Variants in KCNQ2 observed in about 807,000 individuals in gnomAD.
KCNQ2 encodes potassium voltage-gated channel subfamily Q member 2, also known as potassium voltage-gated channel subfamily KQT member 2.
A neutral mutation model predicts 84.8 loss-of-function variants in KCNQ2; 14 were observed. That is an observed-to-expected ratio of 0.17 (90% CI 0.11 to 0.26). The LOEUF (loss-of-function observed/expected upper bound fraction) is 0.26, where lower values mean the gene tolerates loss of function less well. Among genes scored for constraint, KCNQ2 ranks in the 10% least tolerant of loss-of-function variants. KCNQ2 has a pLI of 1.00. For synonymous variants in KCNQ2, 599 were observed against 554.1 expected (o/e 1.08, Z -1.14); for missense variants, 788 against 1,254.0 (o/e 0.63, Z 5.61).
At chr20:63,411,002 T>G (rs1321173628) in intron 15 of KCNQ2, 5 of 456,260 alleles carry the variant, frequency 1.1e-5, no homozygotes, top group Admixed American at 2.4e-5. Context: ...AAGTCTGAGT[T>G]AATCACTAAA....
chr20:63,449,606 G>A (rs557090749), intron 1 of KCNQ2, among the ~76,000 whole-genome samples: 4 of 152,060 alleles, frequency 2.6e-5, no homozygotes, highest in South Asian at 2.2e-4. Context: ...CTCTGCTCAC[G>A]GCTTCACTGT....
In KCNQ2 at chr20:63,406,891, G is replaced by A. The variant is rs1194376934; in HGVS notation, c.2372C>T (p.Pro791Leu). The change falls in exon 17 of 17, where the codon CCG becomes CTG. Residue 791 changes from proline (P) to leucine (L), a missense_variant. By Grantham distance (98) the Pro-to-Leu change is moderately conservative. This residue lies in a region of KCNQ2 where 378 missense variants were observed against 434.5 expected (regional missense o/e 0.87). Transcript: ENST00000359125. ...LRDSDTSISI[P>L]SVDHEELERS... ...CTCCAGCTCCTCGTGGTCCACGGACGGGATGGAGATGGACGTGTCGCTGTC... is the reference window on the plus strand; with the variant it reads ...CTCCAGCTCCTCGTGGTCCACGGACAGGATGGAGATGGACGTGTCGCTGTC... 6 of 1,611,704 alleles carry A rather than the reference G, an allele frequency of 3.7e-6. No homozygotes were observed. Among genetic ancestry groups the A allele is most frequent in the Non-Finnish European group, 5.1e-6 (6 of 1,179,608 alleles).
intron 7 of KCNQ2, among the ~76,000 whole-genome samples, chr20:63,436,359 G>A (rs184788566): frequency 4.7e-4 from 72 of 152,180 alleles, no homozygotes; most frequent in Middle Eastern, 6.8e-3. Flanking sequence ...GTGAAACCCC[G>A]TCTCTACTAA....
Position 63,446,649 on chromosome 20 carries a change from G to T in KCNQ2, c.387+98C>A. ...CATGGCCAGAGCTGGGGCTGGGGGCGTCAGAGGCCCTGTAGTAACAGGAAC... is the reference window on the plus strand; with the variant it reads ...CATGGCCAGAGCTGGGGCTGGGGGCTTCAGAGGCCCTGTAGTAACAGGAAC... On this transcript the variant is annotated intron_variant, in intron 2 of 16. Coordinates refer to ENST00000359125, the MANE Select transcript of KCNQ2 (RefSeq NM_172107.4). The surrounding 1 kb of genome is among the most constrained non-coding windows in gnomAD (Gnocchi z 5.5). 1 of 1,017,972 alleles carries T rather than the reference G, an allele frequency of 9.8e-7. No individual in the cohort carries two copies. The highest frequency in any genetic ancestry group is 1.5e-6 in the Non-Finnish European group (1 of 646,858). The allele number at this position is 1,017,972 out of a possible 1,614,324, so 63.1% of individuals were successfully genotyped here. A position where few individuals can be genotyped will look rare whatever the true frequency, so the allele number is the denominator to read the frequency against.
At chr20:63,413,113 C>T (rs139712097) in intron 15 of KCNQ2, among the ~76,000 whole-genome samples, 5 of 152,300 alleles carry the variant, frequency 3.3e-5, no homozygotes, top group South Asian at 2.1e-4. Flanking sequence ...CAGAGCCACA[C>T]GTGCATACAA....
At chr20:63,451,562 G>A (rs1308534086) in intron 1 of KCNQ2, among the ~76,000 whole-genome samples, 1 of 152,180 alleles carries the variant, frequency 6.6e-6, no homozygotes, top group African/African-American at 2.4e-5. Flanking sequence ...AAACCCGCGT[G>A]GACCTCGTGT....
At chr20:63,431,250 A>C in intron 9 of KCNQ2, 90 bp downstream of exon 9, 2 of 1,473,092 alleles carry the variant, frequency 1.4e-6, no homozygotes, top group Non-Finnish European at 1.9e-6. Flanking sequence ...CGGGTGGGCC[A>C]CGGGGCTCCA....
At chr20:63,430,330 G>A (rs1180256409) in intron 9 of KCNQ2, among the ~76,000 whole-genome samples, 1 of 152,178 alleles carries the variant, frequency 6.6e-6, no homozygotes, top group Non-Finnish European at 1.5e-5. Context: ...GCAGACATTG[G>A]AGATGTCTTA....
intron 1 of KCNQ2, among the ~76,000 whole-genome samples, chr20:63,470,301 C>A (rs749164355): frequency 2.6e-5 from 4 of 152,204 alleles, no homozygotes; most frequent in Admixed American, 6.5e-5. Flanking sequence ...CTAGTGCAGG[C>A]TGGAAGGCGG....
chr20:63,453,348 G>A (rs945722853), intron 1 of KCNQ2, among the ~76,000 whole-genome samples: 13 of 152,202 alleles, frequency 8.5e-5, no homozygotes, highest in Non-Finnish European at 1.5e-4. Context: ...GTGGTGCCGA[G>A]GCCCAGGCAG....
chr20:63,433,621 C>T, intron 8 of KCNQ2, 188 bp downstream of exon 8: 2 of 1,060,242 alleles, frequency 1.9e-6, no homozygotes, highest in Non-Finnish European at 2.8e-6. Context: ...GAAGAGAAAG[C>T]CGCAGCTCTA....
In KCNQ2 at chr20:63,472,567, G is replaced by A. The variant is rs1465377069; in HGVS notation, c.-104C>T. On this transcript the variant is annotated 5_prime_UTR_variant, in exon 1 of 17. Transcript: ENST00000359125. ...CAGGCCCCCCGGCCGGGAGCCGCAT[G>A]GCCGAGGCGGCGGTTCCGCACTCCT... The A allele has an allele frequency of 2.0e-6, 2 of 1,025,270 alleles. No individual in the cohort carries two copies. The highest frequency in any genetic ancestry group is 4.7e-5 in the Admixed American group (1 of 21,314). 63.5% of individuals were successfully genotyped at this position (1,025,270 alleles called of 1,614,324 possible).
chr20:63,419,217 C>G (rs2080392338), intron 12 of KCNQ2, among the ~76,000 whole-genome samples: 1 of 152,178 alleles, frequency 6.6e-6, no homozygotes, highest in Non-Finnish European at 1.5e-5. Flanking sequence ...ACAGACGGAG[C>G]TGCCTCCCGC....
intron 7 of KCNQ2, among the ~76,000 whole-genome samples, chr20:63,436,572 C>T (rs2081014863): frequency 6.6e-6 from 1 of 152,058 alleles, no homozygotes; most frequent in Non-Finnish European, 1.5e-5. Flanking sequence ...CCTTCAGCAG[C>T]CCCACCTCAT....
intron 10 of KCNQ2, chr20:63,424,431 A>G: frequency 1.2e-5 from 7 of 593,008 alleles, no homozygotes; most frequent in Non-Finnish European, 1.8e-5. Flanking sequence ...GGGAAGAGGG[A>G]CTCCATGGGG....
rs556444957 is a variant in KCNQ2, at chr20:63,454,211, C to T, written c.297-7374G>A. Among the ~76,000 whole-genome samples the T allele has an allele frequency of 9.0e-4, 137 of 152,334 alleles. 1 individual carries two copies. The highest frequency in any genetic ancestry group is 1.8e-3 in the Non-Finnish European group (123 of 68,028). On this transcript the variant is annotated intron_variant, in intron 1 of 16. Coordinates refer to ENST00000359125, the MANE Select transcript of KCNQ2 (RefSeq NM_172107.4). ...CTCCAGCTCCTTCCAGCTCAGCTTC[C>T]GCCCATCTGCCCCCGCCTCGCCGGC...
At chr20:63,450,377 G>A (rs1244443887) in intron 1 of KCNQ2, among the ~76,000 whole-genome samples, 2 of 149,274 alleles carry the variant, frequency 1.3e-5, no homozygotes, top group Non-Finnish European at 3.0e-5. Flanking sequence ...TAGGCTTCCA[G>A]GAATAAGGCA....
chr20:63,432,776 G>A (rs530626241), intron 8 of KCNQ2, among the ~76,000 whole-genome samples: 2 of 128,582 alleles, frequency 1.6e-5, no homozygotes, highest in Non-Finnish European at 3.6e-5. Flanking sequence ...CCACCCTCAG[G>A]GAAGGCCCCA....
intron 8 of KCNQ2, among the ~76,000 whole-genome samples, chr20:63,433,183 G>A (rs112267440): frequency 0.028 from 4,191 of 152,284 alleles, 86 homozygotes; most frequent in Non-Finnish European, 0.043. Flanking sequence ...GCCGCCCTCC[G>A]ACCACACAGG....
Sources: allele counts gnomAD v4.1 joint callset (sites outside exome capture counted in the v4.1 genomes callset), GRCh38; gene constraint gnomAD v4.1.1; regional missense constraint gnomAD v4.1.1; non-coding constraint Gnocchi (gnomAD v3.1); transcripts MANE v1.5; gene names NCBI Gene and HGNC (gene_info 2026-07-23, HGNC 2026-07-21).